INPP4B: variants seen among roughly 807,000 people sequenced by gnomAD.
The protein encoded by INPP4B is inositol polyphosphate 4-phosphatase type II.
A neutral mutation model predicts 122.5 loss-of-function variants in INPP4B; 55 were observed. The observed-to-expected ratio is 0.45, with a 90% CI of 0.36 to 0.56. The LOEUF is 0.56. Among genes scored for constraint, INPP4B ranks in the 20% least tolerant of loss-of-function variants. INPP4B has a pLI of 0.00. For synonymous variants in INPP4B, 403 were observed against 388.7 expected (o/e 1.04, Z -0.43); for missense variants, 1,000 against 1,097.7 (o/e 0.91, Z 1.26).
chr4:142,375,841 T>A (rs190460531), intron 7 of INPP4B, among the ~76,000 whole-genome samples: 308 of 151,984 alleles, frequency 2.0e-3, no homozygotes, highest in African/African-American at 7.2e-3. Context: ...TCATTAGGAA[T>A]CTGACCCAAT....
At chr4:142,229,755 A>C (rs550407332) in intron 12 of INPP4B, among the ~76,000 whole-genome samples, 6 of 152,336 alleles carry the variant, frequency 3.9e-5, no homozygotes, top group African/African-American at 1.4e-4. Flanking sequence ...TAGGCATCCA[A>C]ATAATACTAC....
At chr4:142,327,888 A>G (rs1031243910) in intron 7 of INPP4B, among the ~76,000 whole-genome samples, 2 of 152,190 alleles carry the variant, frequency 1.3e-5, no homozygotes, top group Non-Finnish European at 2.9e-5. Context: ...GAATATTTCA[A>G]CTTGAATCTG....
At chr4:142,734,656 T>C (rs1766568497) in intron 1 of INPP4B, among the ~76,000 whole-genome samples, 2 of 152,178 alleles carry the variant, frequency 1.3e-5, no homozygotes, top group Admixed American at 1.3e-4. Context: ...GTTTGTTTGT[T>C]TGTTTTCAGA....
At chr4:142,503,820 C>G (rs1823680877) in intron 2 of INPP4B, among the ~76,000 whole-genome samples, 1 of 151,828 alleles carries the variant, frequency 6.6e-6, no homozygotes, top group Admixed American at 6.6e-5. Flanking sequence ...GAGAAAATAC[C>G]TAGAAATAGA....
chr4:142,645,383 G>A (rs1751519921), intron 2 of INPP4B, among the ~76,000 whole-genome samples: 2 of 152,166 alleles, frequency 1.3e-5, no homozygotes, highest in Non-Finnish European at 2.9e-5. Context: ...GCATTAATTT[G>A]TTTCCAAATA....
At chr4:142,483,203 T>TTTTTTTTTTTTTTTTTTTTC (rs1820787259) in intron 2 of INPP4B, among the ~76,000 whole-genome samples, 1 of 141,250 alleles carries the variant, frequency 7.1e-6, no homozygotes, top group African/African-American at 2.7e-5. Flanking sequence ...TTTTTTTTTT[T>TTTTTTTTTTTTTTTTTTTTC]TTTTTTGCAT....
chr4:142,133,126 TTCAC>T (rs1802159368), intron 18 of INPP4B, among the ~76,000 whole-genome samples: 1 of 152,222 alleles, frequency 6.6e-6, no homozygotes, highest in Non-Finnish European at 1.5e-5. Flanking sequence ...TGCTGGTTCC[TTCAC>T]TTATTTCTGA....
intron 14 of INPP4B, among the ~76,000 whole-genome samples, chr4:142,196,940 C>A (rs1458570621): frequency 6.6e-6 from 1 of 151,610 alleles, no homozygotes; most frequent in Admixed American, 6.6e-5. Flanking sequence ...GGCTGGTCAA[C>A]ATGATGAAAC....
intron 2 of INPP4B, among the ~76,000 whole-genome samples, chr4:142,539,097 T>TAA (rs1028193622): frequency 8.7e-5 from 13 of 149,436 alleles, no homozygotes; most frequent in East Asian, 5.9e-4. Context: ...TATATATATA[T>TAA]AAACAATTTA....
At position 142,545,772 on chromosome 4, in the gene INPP4B, T is replaced by C. The variant is rs189610719; in HGVS notation, c.-190-83046A>G. On this transcript the variant is annotated intron_variant, in intron 2 of 25. Transcript: ENST00000262992. ...ATATATACACATGTATATGTGTGTA[T>C]ATATATACACATATATATGTGTGTA... Among the ~76,000 whole-genome samples, 833 of 120,030 alleles carry C rather than the reference T, an allele frequency of 6.9e-3. 2 individuals carry two copies. The highest frequency in any genetic ancestry group is 0.021 in the South Asian group (80 of 3,736). The allele number at this position is 120,030 out of a possible 152,430, so 78.7% of individuals were successfully genotyped here. A position where few individuals can be genotyped will look rare whatever the true frequency, so the allele number is the denominator to read the frequency against.
rs1367324710 is a variant in INPP4B, at chr4:142,024,756, A to G, written c.*4026T>C. Reference sequence around the variant, plus strand: ...ACTTTTAGCAAATGCCAAAATTATAAACTCCAAAATAGATGGTGAAGTACA... The same window carrying G: ...ACTTTTAGCAAATGCCAAAATTATAGACTCCAAAATAGATGGTGAAGTACA... On this transcript the variant is annotated 3_prime_UTR_variant, in exon 26 of 26. Transcript: ENST00000262992. 6.6e-6 allele frequency: 1 copy of G among 152,162 alleles called. No individual in the cohort carries two copies. Among genetic ancestry groups the G allele is most frequent in the East Asian group, 1.9e-4 (1 of 5,196 alleles). The allele number at this position is 152,162 out of a possible 1,614,324, so 9.4% of individuals were successfully genotyped here.
intron 9 of INPP4B, among the ~76,000 whole-genome samples, chr4:142,290,922 T>G (rs1029217401): frequency 7.2e-5 from 11 of 152,142 alleles, no homozygotes; most frequent in Admixed American, 2.6e-4. Context: ...GACCAATATT[T>G]ATTGGCAGCT....
chr4:142,640,464 C>T (rs1351236964), intron 2 of INPP4B, among the ~76,000 whole-genome samples: 3 of 151,810 alleles, frequency 2.0e-5, no homozygotes, highest in African/African-American at 4.8e-5. Context: ...TGTACTAGGA[C>T]AGTTGGATAC....
At chr4:142,050,517 TA>T (rs1753951789) in intron 25 of INPP4B, among the ~76,000 whole-genome samples, 1 of 151,998 alleles carries the variant, frequency 6.6e-6, no homozygotes, top group Non-Finnish European at 1.5e-5. Context: ...ACACAGCACA[TA>T]GTGATTCTAT....
intron 2 of INPP4B, among the ~76,000 whole-genome samples, chr4:142,620,493 G>A (rs1226925998): frequency 3.3e-5 from 5 of 151,846 alleles, no homozygotes; most frequent in African/African-American, 4.8e-5. Context: ...ATAGACACTC[G>A]TGCCCACTTG....
At chr4:142,332,329 T>A (rs1396992327) in intron 7 of INPP4B, among the ~76,000 whole-genome samples, 3 of 152,194 alleles carry the variant, frequency 2.0e-5, no homozygotes, top group African/African-American at 7.2e-5. Context: ...TGGAGGTAAC[T>A]ACAGCTAGAC....
chr4:142,671,048 C>G (rs1756916926), intron 2 of INPP4B, among the ~76,000 whole-genome samples: 3 of 152,006 alleles, frequency 2.0e-5, no homozygotes, highest in Admixed American at 2.0e-4. Context: ...AAACATTAAA[C>G]TAGCTCTTAA....
chr4:142,376,586 C>G (rs980501465), intron 7 of INPP4B, among the ~76,000 whole-genome samples: 1 of 151,998 alleles, frequency 6.6e-6, no homozygotes, highest in Admixed American at 6.6e-5. Context: ...AAAAGTGAGT[C>G]CCTTTCCCTC....
At chr4:142,186,757 T>C (rs1039901165) in intron 15 of INPP4B, among the ~76,000 whole-genome samples, 2 of 152,156 alleles carry the variant, frequency 1.3e-5, no homozygotes, top group Admixed American at 6.5e-5. Context: ...AAAAACTGCA[T>C]TACAAATTCA....
Sources: allele counts gnomAD v4.1 joint callset (sites outside exome capture counted in the v4.1 genomes callset), GRCh38; gene constraint gnomAD v4.1.1; transcripts MANE v1.5; gene names NCBI Gene and HGNC (gene_info 2026-07-23, HGNC 2026-07-21).